Variants in TAAR5 observed in about 807,000 individuals in gnomAD.
TAAR5 encodes the protein trace amine-associated receptor 5.
In TAAR5, 27 loss-of-function variants were observed where a neutral mutation model predicts 21.1. The ratio of observed to expected loss-of-function variants is 1.28; its 90% CI spans 0.94 to 1.76. The LOEUF is 1.76. Among genes scored for constraint, TAAR5 ranks in the 40% most tolerant of loss-of-function variants. The probability of loss-of-function intolerance (pLI) is 0.00; values close to 1 mark genes in which losing one functional copy is unlikely to be tolerated. For synonymous variants in TAAR5, 203 were observed against 167.5 expected, an observed-to-expected ratio of 1.21 and a Z score of -1.64; for missense variants, 495 against 405.6, an observed-to-expected ratio of 1.22 and a Z score of -1.89.
chr6:132,609,064 G>C, the TAAR5 span: 1 of 454,280 alleles, frequency 2.2e-6, no homozygotes, highest in South Asian at 1.6e-5. Context: ...GGTTGCCATG[G>C]AGAGGATCAG....
At chr6:132,598,496 G>T in the TAAR5 span, among the ~76,000 whole-genome samples, 3 of 152,142 alleles carry the variant, frequency 2.0e-5, no homozygotes, top group African/African-American at 7.2e-5. Flanking sequence ...TTACACTACG[G>T]TTTCTTACCA....
At chr6:132,596,671 A>G in the TAAR5 span, among the ~76,000 whole-genome samples, 1 of 152,132 alleles carries the variant, frequency 6.6e-6, no homozygotes, top group Non-Finnish European at 1.5e-5. Flanking sequence ...TTTTTTTTAA[A>G]TACCAATCAA....
At chr6:132,614,083 A>G in the TAAR5 span, among the ~76,000 whole-genome samples, 1 of 152,254 alleles carries the variant, frequency 6.6e-6, no homozygotes, top group African/African-American at 2.4e-5. Context: ...ATATTAACTC[A>G]AATTACATGT....
At chr6:132,602,847 TA>T in the TAAR5 span, among the ~76,000 whole-genome samples, 7,514 of 146,568 alleles carry the variant, frequency 0.051, 297 homozygotes, top group African/African-American at 0.11. Context: ...GGCTATGGAT[TA>T]AAAAAAAAAT....
chr6:132,598,489 C>T, the TAAR5 span, among the ~76,000 whole-genome samples: 5 of 152,286 alleles, frequency 3.3e-5, no homozygotes, highest in East Asian at 1.9e-4. Context: ...TTATCTGTTA[C>T]ACTACGGTTT....
the TAAR5 span, among the ~76,000 whole-genome samples, chr6:132,610,125 G>T: frequency 6.6e-6 from 1 of 152,216 alleles, no homozygotes; most frequent in African/African-American, 2.4e-5. Context: ...GACTCCTTTT[G>T]GTCACAGTGG....
At chr6:132,592,722 G>A (rs1186050609), upstream of TAAR5, among the ~76,000 whole-genome samples, 1 of 151,992 alleles carries the variant, frequency 6.6e-6, no homozygotes, top group Non-Finnish European at 1.5e-5. Context: ...CTTTCCCTTT[G>A]CCTTCTGCCA....
the TAAR5 span, among the ~76,000 whole-genome samples, chr6:132,604,042 A>T: frequency 6.6e-6 from 1 of 151,998 alleles, no homozygotes; most frequent in Non-Finnish European, 1.5e-5. Context: ...TTTAAGGAAG[A>T]GCTAGGTTTT....
the TAAR5 span, among the ~76,000 whole-genome samples, chr6:132,602,167 G>T: frequency 6.6e-6 from 1 of 152,144 alleles, no homozygotes; most frequent in Non-Finnish European, 1.5e-5. Context: ...ACCAGGGACT[G>T]GTTTCTTGGA....
At chr6:132,614,756 T>C in the TAAR5 span, among the ~76,000 whole-genome samples, 1 of 152,216 alleles carries the variant, frequency 6.6e-6, no homozygotes, top group African/African-American at 2.4e-5. Context: ...AGCTTCCAGA[T>C]AGGCACTAAC....
chr6:132,616,493 C>T, the TAAR5 span, among the ~76,000 whole-genome samples: 1 of 152,248 alleles, frequency 6.6e-6, no homozygotes, highest in Non-Finnish European at 1.5e-5. Context: ...TGGGAACTAA[C>T]CAGCTGCTGT....
At chr6:132,590,362 C>T (rs940616678), upstream of TAAR5, among the ~76,000 whole-genome samples, 2 of 152,166 alleles carry the variant, frequency 1.3e-5, no homozygotes, top group African/African-American at 4.8e-5. Context: ...GATGATAACA[C>T]AAAGTGTTTA....
At chr6:132,594,469 C>T (rs1776949430), upstream of TAAR5, 1 of 152,318 alleles carries the variant, frequency 6.6e-6, no homozygotes, top group South Asian at 2.1e-4. Context: ...TCCTCAATGC[C>T]TTGCGAAACC....
chr6:132,614,453 T>G, the TAAR5 span, among the ~76,000 whole-genome samples: 1 of 152,358 alleles, frequency 6.6e-6, no homozygotes, highest in Admixed American at 6.5e-5. Context: ...GCAACCCATT[T>G]CAACAATTTC....
chr6:132,605,909 T>C, the TAAR5 span, among the ~76,000 whole-genome samples: 1 of 152,206 alleles, frequency 6.6e-6, no homozygotes, highest in African/African-American at 2.4e-5. Flanking sequence ...ATATACACCA[T>C]GGAAGACTAT....
rs371227941 is a variant in TAAR5, at chr6:132,588,755, C to G, written c.932G>C (p.Trp311Ser). The G allele has an allele frequency of 6.8e-6, 11 of 1,613,876 alleles. No individual in the cohort carries two copies. The highest frequency in any genetic ancestry group is 6.6e-5 in the South Asian group (6 of 91,074). Residue 311 changes from tryptophan (W) to serine (S), a missense_variant, in exon 1 of 1, where the codon TGG becomes TCG. Coordinates refer to ENST00000258034, the MANE Select transcript of TAAR5 (RefSeq NM_003967.3). Reference sequence around the variant, plus strand: ...TGTGAGTTTCAGTGCCTTCCGAAACCACTGGTAGGAAAAGACATAGATGAT... The same window carrying G: ...TGTGAGTTTCAGTGCCTTCCGAAACGACTGGTAGGAAAAGACATAGATGAT... ...NPIIYVFSYQWFRKALKLTLS... is the reference protein window; with the variant it reads ...NPIIYVFSYQSFRKALKLTLS...
chr6:132,600,919 A>G, the TAAR5 span, among the ~76,000 whole-genome samples: 3 of 73,498 alleles, frequency 4.1e-5, no homozygotes, highest in African/African-American at 4.4e-5. Flanking sequence ...GAAAGAAGGA[A>G]GGAAGGAGGG....
the TAAR5 span, among the ~76,000 whole-genome samples, chr6:132,613,884 T>C: frequency 3.9e-5 from 6 of 152,212 alleles, no homozygotes; most frequent in African/African-American, 1.4e-4. Flanking sequence ...CCATAAAATA[T>C]GTTCTCCTCT....
At chr6:132,613,001 G>C in the TAAR5 span, among the ~76,000 whole-genome samples, 2 of 152,278 alleles carry the variant, frequency 1.3e-5, no homozygotes, top group East Asian at 3.9e-4. Context: ...TAAGTATTGG[G>C]ATGATTCTAT....
Sources: gnomAD v4.1 joint callset for allele counts (sites outside exome capture counted in the v4.1 genomes callset) on GRCh38, gnomAD v4.1.1 for gene constraint, MANE v1.5 for transcripts, NCBI Gene and HGNC (gene_info 2026-07-23, HGNC 2026-07-21) for gene names.